Variants in TFCP2L1 observed in about 807,000 individuals in gnomAD.
TFCP2L1 encodes transcription factor CP2-like protein 1.
TFCP2L1 carries 12 observed loss-of-function variants against 72.2 expected under a neutral mutation model. The ratio of observed to expected loss-of-function variants is 0.17; its 90% CI spans 0.11 to 0.27. The LOEUF is 0.27. TFCP2L1 is among the 10% of genes least tolerant of loss of function. TFCP2L1 has a pLI of 1.00. For synonymous variants in TFCP2L1, 260 were observed against 251.0 expected (o/e 1.04, Z -0.34); for missense variants, 488 against 624.6 (o/e 0.78, Z 2.33).
chr2:121,248,857 T>C, intron 4 of TFCP2L1, 125 bp downstream of exon 4: 1 of 648,190 alleles, frequency 1.5e-6, no homozygotes, highest in Non-Finnish European at 2.5e-6. Context: ...TCCCGCGGGG[T>C]TTTACACAGA....
At chr2:121,256,552 A>T (rs1045933448) in intron 2 of TFCP2L1, among the ~76,000 whole-genome samples, 1 of 152,120 alleles carries the variant, frequency 6.6e-6, no homozygotes, top group African/African-American at 2.4e-5. Flanking sequence ...CCGAGGTGGG[A>T]GATCACCTGA....
Position 121,224,182 on chromosome 2 carries a change from G to C in TFCP2L1, c.*159C>G, listed in dbSNP as rs991388308. 1.4e-5 allele frequency: 10 copies of C among 725,242 alleles called. No individual in the cohort carries two copies. Among genetic ancestry groups the C allele is most frequent in the African/African-American group, 3.5e-5 (2 of 56,624 alleles). The allele number at this position is 725,242 out of a possible 1,614,324, so 44.9% of individuals were successfully genotyped here. On this transcript the variant is annotated 3_prime_UTR_variant, in exon 15 of 15. Coordinates refer to ENST00000263707, the MANE Select transcript of TFCP2L1 (RefSeq NM_014553.3). The stretch of plus-strand genomic sequence containing the variant: ...TGTACACCGTACTTGGTGTCCACAG[G>C]CTTCTGCTGGTTGGTGCTCTGTAGC...
At chr2:121,234,782 C>T (rs552664415) in intron 11 of TFCP2L1, among the ~76,000 whole-genome samples, 1 of 152,266 alleles carries the variant, frequency 6.6e-6, no homozygotes, top group African/African-American at 2.4e-5. Context: ...TCTGCCATGG[C>T]AGGAAGGTGT....
Position 121,220,347 on chromosome 2 carries a change from C to G in TFCP2L1, c.*3994G>C, listed in dbSNP as rs1036180490. The G allele has an allele frequency of 6.6e-6, 1 of 152,266 alleles. No homozygotes were observed. Among genetic ancestry groups the G allele is most frequent in the Non-Finnish European group, 1.5e-5 (1 of 68,064 alleles). 9.4% of individuals were successfully genotyped at this position (152,266 alleles called of 1,614,324 possible). A position where few individuals can be genotyped will look rare whatever the true frequency, so the allele number is the denominator to read the frequency against. ...TCCCCACCCCATCCTGTCCTTTCCA[C>G]AGGCATACCATGCCCCTCCTCCAGC... On this transcript the variant is annotated 3_prime_UTR_variant, in exon 15 of 15. Transcript: ENST00000263707.
intron 8 of TFCP2L1, among the ~76,000 whole-genome samples, chr2:121,238,811 AC>A (rs1686303206): frequency 6.6e-6 from 1 of 152,010 alleles, no homozygotes; most frequent in African/African-American, 2.4e-5. Flanking sequence ...TTCTGTGTCT[AC>A]CCCCGCTTCC....
intron 2 of TFCP2L1, among the ~76,000 whole-genome samples, chr2:121,268,811 A>T (rs893006190): frequency 4.7e-5 from 7 of 149,034 alleles, no homozygotes; most frequent in Non-Finnish European, 1.0e-4. Flanking sequence ...TACTTTAATA[A>T]CACATACTAG....
chr2:121,257,975 C>CA (rs1686760870), intron 2 of TFCP2L1, among the ~76,000 whole-genome samples: 1 of 152,134 alleles, frequency 6.6e-6, no homozygotes, highest in African/African-American at 2.4e-5. Context: ...CCCCTACCCC[C>CA]AGCACCATGG....
intron 11 of TFCP2L1, chr2:121,234,396 A>C: frequency 1.8e-6 from 1 of 565,782 alleles, no homozygotes. Context: ...CCAGACCATG[A>C]AGCTCAACAT....
At chr2:121,232,622 T>A (rs1328644443) in intron 12 of TFCP2L1, among the ~76,000 whole-genome samples, 1 of 152,178 alleles carries the variant, frequency 6.6e-6, no homozygotes, top group Non-Finnish European at 1.5e-5. Flanking sequence ...CCTTTTCAGC[T>A]CTTTTTGCTG....
At chr2:121,281,939 G>A (rs1292352150) in intron 1 of TFCP2L1, among the ~76,000 whole-genome samples, 2 of 145,826 alleles carry the variant, frequency 1.4e-5, no homozygotes, top group East Asian at 4.4e-4. Flanking sequence ...TTTTTTGGGC[G>A]GGGGCGGGGG....
At chr2:121,244,130 C>T (rs1686433554) in intron 6 of TFCP2L1, among the ~76,000 whole-genome samples, 3 of 152,202 alleles carry the variant, frequency 2.0e-5, no homozygotes, top group Non-Finnish European at 2.9e-5. Context: ...TCAGGAGACT[C>T]CTCCTCCCTG....
At chr2:121,254,190 CCTT>C (rs1287511195) in intron 2 of TFCP2L1, among the ~76,000 whole-genome samples, 1 of 152,214 alleles carries the variant, frequency 6.6e-6, no homozygotes, top group Non-Finnish European at 1.5e-5. Context: ...TGGGATTTCA[CCTT>C]CTTTACAGTG....
At chr2:121,277,489 G>A (rs895874824) in intron 2 of TFCP2L1, among the ~76,000 whole-genome samples, 4 of 152,202 alleles carry the variant, frequency 2.6e-5, no homozygotes, top group Admixed American at 6.5e-5. Context: ...TTGGTGATAT[G>A]CATCAAAAGC....
chr2:121,281,283 G>A lies in TFCP2L1; in HGVS notation c.63-12C>T, dbSNP rs373444420. The A allele has an allele frequency of 5.7e-5, 91 of 1,585,088 alleles. 1 individual carries two copies. Among genetic ancestry groups the A allele is most frequent in the African/African-American group, 3.2e-4 (24 of 73,882 alleles). On this transcript the variant is annotated splice_polypyrimidine_tract_variant and intron_variant, in intron 1 of 14. Coordinates refer to ENST00000263707, the MANE Select transcript of TFCP2L1 (RefSeq NM_014553.3). ...GAGCGAGCACATCACTGCAACACAC[G>A]GGAAGCAGAGGTCAGGAGCAGAGCC...
intron 13 of TFCP2L1, among the ~76,000 whole-genome samples, chr2:121,231,415 C>A (rs891232283): frequency 1.3e-5 from 2 of 152,234 alleles, no homozygotes; most frequent in African/African-American, 4.8e-5. Flanking sequence ...CACCACTTGG[C>A]AGAGGCCTCT....
intron 2 of TFCP2L1, among the ~76,000 whole-genome samples, chr2:121,274,099 AAAAAAAAAAAG>A (rs1467370153): frequency 6.6e-6 from 1 of 151,896 alleles, no homozygotes; most frequent in African/African-American, 2.4e-5. Context: ...GTCTCCAAAA[AAAAAAAAAAAG>A]AAAAAAAAAA....
intron 2 of TFCP2L1, among the ~76,000 whole-genome samples, chr2:121,269,567 G>A (rs1197893602): frequency 2.0e-5 from 3 of 152,212 alleles, no homozygotes; most frequent in Non-Finnish European, 4.4e-5. Context: ...TGTCGACCAC[G>A]CTGGCCAACA....
At chr2:121,246,718 C>A (rs562030824) in intron 6 of TFCP2L1, 100 bp downstream of exon 6, 1 of 1,490,028 alleles carries the variant, frequency 6.7e-7, no homozygotes, top group Non-Finnish European at 9.2e-7. Context: ...CTGCGTTCCT[C>A]GCTGGGCCTG....
intron 2 of TFCP2L1, among the ~76,000 whole-genome samples, chr2:121,267,410 G>A (rs1296429980): frequency 1.3e-5 from 2 of 152,078 alleles, no homozygotes; most frequent in Non-Finnish European, 2.9e-5. Context: ...AATCACATAA[G>A]TATGATGTTT....
Sources: gnomAD v4.1 joint callset for allele counts (sites outside exome capture counted in the v4.1 genomes callset) on GRCh38, gnomAD v4.1.1 for gene constraint, MANE v1.5 for transcripts, NCBI Gene and HGNC (gene_info 2026-07-23, HGNC 2026-07-21) for gene names.